Variants in FREM3 observed in about 807,000 individuals in gnomAD.
FREM3 encodes the protein FRAS1 related extracellular matrix 3.
In FREM3, 105 loss-of-function variants were observed where a neutral mutation model predicts 129.1. The observed-to-expected ratio is 0.81, with a 90% CI of 0.69 to 0.96. The LOEUF (loss-of-function observed/expected upper bound fraction) is 0.96, where lower values mean the gene tolerates loss of function less well. FREM3 is among the 40% of genes least tolerant of loss of function. The pLI is 0.00. For missense variants in FREM3, 2,593 were observed against 2,666.3 expected (o/e 0.97, Z 0.61); for synonymous variants, 1,014 against 1,044.9 (o/e 0.97, Z 0.57).
Position 143,700,144 on chromosome 4 carries a change from C to T in FREM3, c.532G>A (p.Val178Met), listed in dbSNP as rs1176399244. Residue 178 changes from valine (V) to methionine (M), a missense_variant, in exon 1 of 8, where the codon GTG becomes ATG. Around this residue, in one of 2 missense-constraint regions of FREM3, gnomAD observed 2,276 missense variants for 2,267.2 expected, o/e 1.00. Transcript: ENST00000329798. Reference protein sequence around the residue: ...ELVTRNRPLVVEKLRSWSRAI... With the variant: ...ELVTRNRPLVMEKLRSWSRAI... ...CGGCTCCAGCTTCGCAGCTTCTCCA[C>T]TACCAAAGGCCTGTTACGCGTCACC... 6.5e-7 allele frequency: 1 copy of T among 1,537,072 alleles called. No individual in the cohort carries two copies.
chr4:143,673,899 G>A (rs185224895), intron 2 of FREM3, among the ~76,000 whole-genome samples: 53 of 152,364 alleles, frequency 3.5e-4, no homozygotes, highest in African/African-American at 1.2e-3. Context: ...GCCATGCGCG[G>A]GATATAATCT....
intron 6 of FREM3, among the ~76,000 whole-genome samples, chr4:143,588,450 G>A (rs1285124681): frequency 6.8e-6 from 1 of 147,870 alleles, no homozygotes; most frequent in South Asian, 2.2e-4. Context: ...GTGTCCATGT[G>A]TTCTCATTGT....
In FREM3 at chr4:143,698,892, G is replaced by A. The variant is rs1246851869; in HGVS notation, c.1784C>T (p.Pro595Leu). 3.9e-6 allele frequency: 6 copies of A among 1,537,490 alleles called. No homozygotes were observed. The highest frequency in any genetic ancestry group is 3.5e-6 in the Non-Finnish European group (4 of 1,146,972). Residue 595 changes from proline to leucine, a missense_variant, in exon 1 of 8, where the codon CCT (proline) becomes CTT (leucine). By Grantham distance (98) the Pro-to-Leu change is moderately conservative. Transcript: ENST00000329798. Reference protein sequence around the residue: ...NQPLKGNEEEPQWELAPGSSH... With the variant: ...NQPLKGNEEELQWELAPGSSH... Reference sequence around the variant, plus strand: ...GGAACCAGGGGCCAACTCCCACTGAGGCTCTTCCTCATTTCCTTTTAGGGG... The same window carrying A: ...GGAACCAGGGGCCAACTCCCACTGAAGCTCTTCCTCATTTCCTTTTAGGGG...
chr4:143,599,852 C>A (rs770036770), intron 6 of FREM3, among the ~76,000 whole-genome samples: 1 of 152,086 alleles, frequency 6.6e-6, no homozygotes, highest in Non-Finnish European at 1.5e-5. Context: ...TTGATACTAG[C>A]GCAGGATGTG....
At chr4:143,619,517 G>T (rs1738910233) in intron 5 of FREM3, among the ~76,000 whole-genome samples, 1 of 151,990 alleles carries the variant, frequency 6.6e-6, no homozygotes, top group Non-Finnish European at 1.5e-5. Context: ...TGCCATTGTG[G>T]TATTTGTCCT....
At chr4:143,620,887 G>T in intron 5 of FREM3, 150 bp downstream of exon 5, 1 of 685,532 alleles carries the variant, frequency 1.5e-6, no homozygotes, top group South Asian at 2.1e-5. Flanking sequence ...AGTCAGGAAA[G>T]GGGGTTCGCA....
At chr4:143,673,806 G>T (rs921693422) in intron 2 of FREM3, among the ~76,000 whole-genome samples, 1 of 152,168 alleles carries the variant, frequency 6.6e-6, no homozygotes, top group African/African-American at 2.4e-5. Context: ...TGCCCCTCCC[G>T]CAGCCTCGCT....
rs530608163 is a variant in FREM3, at chr4:143,593,742, A to C, written c.6029-7749T>G. The stretch of plus-strand genomic sequence containing the variant: ...AGATCTCAAGCTGCATGCTGGGAGA[A>C]CCACTACTCTCTTCAAAGCTGTCAG... On this transcript the variant is annotated intron_variant, in intron 6 of 7. Transcript: ENST00000329798. 5.3e-5 allele frequency among the ~76,000 whole-genome samples: 8 copies of C among 152,252 alleles called. No homozygotes were observed. In the East Asian group the frequency reaches 1.5e-3, roughly 29 times the overall value.
chr4:143,638,133 GACAGCGGAA>G (rs1739264691), intron 2 of FREM3, among the ~76,000 whole-genome samples: 1 of 152,078 alleles, frequency 6.6e-6, no homozygotes, highest in African/African-American at 2.4e-5. Flanking sequence ...TCAATATAAG[GACAGCGGAA>G]ACAGTGTGAA....
chr4:143,679,116 C>A (rs1352809302), intron 2 of FREM3, among the ~76,000 whole-genome samples: 1 of 152,122 alleles, frequency 6.6e-6, no homozygotes, highest in Admixed American at 6.5e-5. Flanking sequence ...TGATAGCAGT[C>A]TTCTGGTCTC....
intron 2 of FREM3, among the ~76,000 whole-genome samples, chr4:143,680,234 A>T (rs1028965263): frequency 6.6e-6 from 1 of 151,074 alleles, no homozygotes; most frequent in African/African-American, 2.4e-5. Flanking sequence ...ATATATATGT[A>T]TATATGGAAT....
chr4:143,700,498 G>A lies in FREM3; in HGVS notation c.178C>T (p.Pro60Ser). Residue 60 changes from proline to serine, a missense_variant, in exon 1 of 8, where the codon CCC (proline) becomes TCC (serine). By Grantham distance (74) the Pro-to-Ser change is moderately conservative. This residue lies in a region of FREM3 where 2,276 missense variants were observed against 2,267.2 expected (regional missense o/e 1.00). Coordinates refer to ENST00000329798, the MANE Select transcript of FREM3 (RefSeq NM_001168235.2). ...CCAGGGTTGGCAATCAGCACGCTGG[G>A]GCCGTCGGGGCGAGTGCCGTCAAGC... ...GALDGTRPDG[P>S]SVLIANPGLR... 6.6e-7 allele frequency: 1 copy of A among 1,514,722 alleles called. No individual in the cohort carries two copies. Among genetic ancestry groups the A allele is most frequent in the East Asian group, 2.5e-5 (1 of 40,522 alleles). 93.8% of individuals were successfully genotyped at this position (1,514,722 alleles called of 1,614,324 possible).
chr4:143,591,081 G>A (rs1413383804), intron 6 of FREM3, among the ~76,000 whole-genome samples: 3 of 152,132 alleles, frequency 2.0e-5, no homozygotes, highest in Non-Finnish European at 4.4e-5. Flanking sequence ...GATCAGTGGT[G>A]ATATCCCCTT....
At chr4:143,618,243 C>G (rs972770641) in intron 5 of FREM3, among the ~76,000 whole-genome samples, 1 of 151,906 alleles carries the variant, frequency 6.6e-6, no homozygotes, top group Non-Finnish European at 1.5e-5. Context: ...TCATAAGATT[C>G]CCTTATGTAA....
At chr4:143,643,062 A>G (rs1022173808) in intron 2 of FREM3, among the ~76,000 whole-genome samples, 2 of 152,182 alleles carry the variant, frequency 1.3e-5, no homozygotes, top group African/African-American at 4.8e-5. Flanking sequence ...CAAAATCACA[A>G]TGGGATACCA....
At chr4:143,602,232 C>T (rs1008376378) in intron 6 of FREM3, among the ~76,000 whole-genome samples, 10 of 152,170 alleles carry the variant, frequency 6.6e-5, no homozygotes, top group Middle Eastern at 3.4e-3. Flanking sequence ...ACTGAAATGA[C>T]GACTAAACTG....
chr4:143,644,339 C>A lies in FREM3; in HGVS notation c.5276-16579G>T, dbSNP rs376195657. ...TGCATACGTGAGCTCTTTCCATTTT[C>A]CGTAAGGTCATTTAGTTTTGTATAC... On this transcript the variant is annotated intron_variant, in intron 2 of 7. Coordinates refer to ENST00000329798, the MANE Select transcript of FREM3 (RefSeq NM_001168235.2). Among the ~76,000 whole-genome samples the A allele has an allele frequency of 3.0e-4, 45 of 152,106 alleles. No homozygotes were observed. In the South Asian group the frequency reaches 9.4e-3, roughly 32 times the overall value.
Position 143,698,009 on chromosome 4 carries a change from A to C in FREM3, c.2667T>G (p.Ser889=). The C allele has an allele frequency of 6.5e-7, 1 of 1,537,430 alleles. No homozygotes were observed. The highest frequency in any genetic ancestry group is 1.2e-5 in the South Asian group (1 of 84,060). ...YFKRCMVPGE[S]FMQADVINGS... Reference sequence around the variant, plus strand: ...CGTTAATAACATCAGCTTGCATGAAAGATTCCCCTGGGACCATACATCTTT... The same window carrying C: ...CGTTAATAACATCAGCTTGCATGAACGATTCCCCTGGGACCATACATCTTT... The change falls in exon 1 of 8, where the codon TCT becomes TCG. Residue 889 remains serine, a synonymous_variant. Coordinates refer to ENST00000329798, the MANE Select transcript of FREM3 (RefSeq NM_001168235.2).
chr4:143,633,865 G>A (rs1457212123), intron 2 of FREM3, among the ~76,000 whole-genome samples: 1 of 152,140 alleles, frequency 6.6e-6, no homozygotes, highest in Non-Finnish European at 1.5e-5. Flanking sequence ...CTTCAGAGAG[G>A]ATATTGACAG....
Sources: allele counts gnomAD v4.1 joint callset (sites outside exome capture counted in the v4.1 genomes callset), GRCh38; gene constraint gnomAD v4.1.1; regional missense constraint gnomAD v4.1.1; transcripts MANE v1.5; gene names NCBI Gene and HGNC (gene_info 2026-07-23, HGNC 2026-07-21).